Variants in BTN3A3 observed in about 807,000 individuals in gnomAD.
The protein encoded by BTN3A3 is butyrophilin subfamily 3 member A3.
Under a neutral mutation model 43.2 loss-of-function variants are expected in BTN3A3, and 39 were observed. The observed-to-expected ratio is 0.90, with a 90% CI of 0.70 to 1.18. The LOEUF (loss-of-function observed/expected upper bound fraction) is 1.18, where lower values mean the gene tolerates loss of function less well. Ranked by LOEUF, BTN3A3 falls within the 50% of genes most tolerant of loss-of-function variation. The pLI is 0.00. For missense variants in BTN3A3, 631 were observed against 722.8 expected, an observed-to-expected ratio of 0.87 and a Z score of 1.46; for synonymous variants, 255 against 272.7, an observed-to-expected ratio of 0.93 and a Z score of 0.64.
In BTN3A3 at chr6:26,445,822, A is replaced by T. The variant is rs751265742; in HGVS notation, c.552A>T (p.Gly184=). The change falls in exon 5 of 11, where the codon GGA becomes GGT. Residue 184 remains glycine, a synonymous_variant. Coordinates refer to ENST00000244519, the MANE Select transcript of BTN3A3 (RefSeq NM_006994.5). ...QPQIKWSDTK[G]ENIPAVEAPV... ...AAATAAAGTGGAGCGACACCAAGGG[A>T]GAGAACATCCCGGCTGTGGAAGCAC... 5.0e-6 allele frequency: 8 copies of T among 1,614,058 alleles called. No homozygotes were observed. Among genetic ancestry groups the T allele is most frequent in the Middle Eastern group, 1.6e-4 (1 of 6,084 alleles).
Position 26,443,631 on chromosome 6 carries a change from C to T in BTN3A3, c.57C>T (p.Phe19=). 2 of 1,614,230 alleles carry T rather than the reference C, an allele frequency of 1.2e-6. No homozygotes were observed. Among genetic ancestry groups the T allele is most frequent in the Non-Finnish European group, 1.7e-6 (2 of 1,180,044 alleles). Residue 19 remains phenylalanine, a synonymous_variant, in exon 3 of 11, where the codon TTC becomes TTT. Transcript: ENST00000244519. ...TGCTCAACTTTCATGTCTCCCTCTT[C>T]TTGGTCCAGCTGCTCACTCCTTGCT... is the stretch of plus-strand genomic sequence containing the variant. ...FLLLNFHVSL[F]LVQLLTPCSA... is the part of the protein sequence containing the mutation.
intron 8 of BTN3A3, 108 bp downstream of exon 8, chr6:26,448,862 C>T: frequency 7.4e-7 from 1 of 1,352,180 alleles, no homozygotes; most frequent in Non-Finnish European, 1.1e-6. Flanking sequence ...AAAAATGGTC[C>T]TAGATCCCTT....
chr6:26,443,545 CCTT>C (rs1762695610), intron 2 of BTN3A3, 22 bp from the exon 3 acceptor site: 1 of 1,612,876 alleles, frequency 6.2e-7, no homozygotes, highest in African/African-American at 1.3e-5. Context: ...CTGTCCCACA[CCTT>C]CTGGTATCTC....
Position 26,450,054 on chromosome 6 carries a change from A to G in BTN3A3, c.992-53A>G, listed in dbSNP as rs572770240. 135 of 1,577,888 alleles carry G rather than the reference A, an allele frequency of 8.6e-5. 1 individual carries two copies. The South Asian group carries it at 1.4e-3, about 16-fold the overall frequency. ...GTGTAGTGAAAGGAGAATGGAGTGG[A>G]GAAAAGAACAAAAATACTGACCTTT... On this transcript the variant is annotated intron_variant, in intron 9 of 10. Transcript: ENST00000244519.
chr6:26,452,420 C>G lies in BTN3A3; in HGVS notation c.*9C>G. The G allele has an allele frequency of 6.3e-7, 1 of 1,582,830 alleles. No individual in the cohort carries two copies. Among genetic ancestry groups the G allele is most frequent in the Non-Finnish European group, 8.6e-7 (1 of 1,169,316 alleles). On this transcript the variant is annotated 3_prime_UTR_variant, in exon 11 of 11. Coordinates refer to ENST00000244519, the MANE Select transcript of BTN3A3 (RefSeq NM_006994.5). ...CTGAAGCACTTTACTGATATTCATT[C>G]CATTATTCCATATGACAGTTGTTTT...
intron 5 of BTN3A3, among the ~76,000 whole-genome samples, chr6:26,446,270 A>G (rs990810427): frequency 2.0e-5 from 3 of 152,246 alleles, no homozygotes; most frequent in African/African-American, 7.2e-5. Flanking sequence ...GAAGCTCCTT[A>G]TGTAAAGTCA....
chr6:26,440,785 T>C (rs1762604918), intron 1 of BTN3A3, 137 bp downstream of exon 1: 1 of 83,184 alleles, frequency 1.2e-5, no homozygotes, highest in South Asian at 3.7e-4. Context: ...TGTGTGTGTG[T>C]GTGTGTGTGT....
intron 9 of BTN3A3, 144 bp downstream of exon 9, chr6:26,449,832 C>A (rs116504488): frequency 2.6e-6 from 3 of 1,135,036 alleles, no homozygotes; most frequent in Non-Finnish European, 3.9e-6. Flanking sequence ...AGGGGGTTGA[C>A]TTCTGCTTTT....
chr6:26,452,516 T>C lies in BTN3A3; in HGVS notation c.*105T>C. 1 of 999,498 alleles carries C rather than the reference T, an allele frequency of 1.0e-6. No individual in the cohort carries two copies. Among genetic ancestry groups the C allele is most frequent in the East Asian group, 2.6e-5 (1 of 38,136 alleles). The allele number at this position is 999,498 out of a possible 1,614,324, so 61.9% of individuals were successfully genotyped here. ...GGGGTGCAGAAAGGTGAATTAACTT[T>C]ACAAAGTAGACATGACAAGTGAACA... On this transcript the variant is annotated 3_prime_UTR_variant, in exon 11 of 11. Coordinates refer to ENST00000244519, the MANE Select transcript of BTN3A3 (RefSeq NM_006994.5).
In BTN3A3 at chr6:26,448,391, G is replaced by A. The variant is rs1224641628; in HGVS notation, c.859G>A (p.Glu287Lys). The A allele has an allele frequency of 6.2e-7, 1 of 1,613,952 alleles. No individual in the cohort carries two copies. The highest frequency in any genetic ancestry group is 1.1e-5 in the South Asian group (1 of 91,078). The change falls in exon 6 of 11, where the codon GAG becomes AAG. Residue 287 changes from glutamate (E) to lysine (K), a missense_variant. Coordinates refer to ENST00000244519, the MANE Select transcript of BTN3A3 (RefSeq NM_006994.5). ...TGCTCTGTCCAGGGAGACAGAAAGA[G>A]AGCGAGAGATGAAAGAAATGGGATA... Reference protein sequence around the residue: ...KIALSRETEREREMKEMGYAA... With the variant: ...KIALSRETERKREMKEMGYAA...
Position 26,445,987 on chromosome 6 carries a change from T to C in BTN3A3, c.715+2T>C. The C allele has an allele frequency of 6.2e-7, 1 of 1,613,926 alleles. No individual in the cohort carries two copies. Among genetic ancestry groups the C allele is most frequent in the Non-Finnish European group, 8.5e-7 (1 of 1,179,882 alleles). ...AGACAGCCAGCATATCCATCGCAGG[T>C]CAGTACCCTGCTTGGCCTCAGCTTT... On this transcript the variant is annotated splice_donor_variant, in intron 5 of 10. Transcript: ENST00000244519. LOFTEE classifies it high-confidence loss of function.
intron 4 of BTN3A3, chr6:26,444,786 A>C (rs1184437040): frequency 4.1e-6 from 1 of 246,034 alleles, no homozygotes; most frequent in Non-Finnish European, 8.0e-6. Flanking sequence ...TTGAGGAAGA[A>C]CACACATCAT....
chr6:26,445,868 G>C lies in BTN3A3; in HGVS notation c.598G>C (p.Gly200Arg). The C allele has an allele frequency of 6.2e-7, 1 of 1,614,158 alleles. No homozygotes were observed. The highest frequency in any genetic ancestry group is 8.5e-7 in the Non-Finnish European group (1 of 1,180,038). ...VEAPVVADGV[G>R]LYAVAASVIM... ...AGCACCTGTGGTTGCAGATGGAGTG[G>C]GCCTGTATGCAGTAGCAGCATCTGT... The change falls in exon 5 of 11, where the codon GGC becomes CGC. Residue 200 changes from glycine (G) to arginine (R), a missense_variant. Gly to Arg is a moderately radical substitution (Grantham distance 125, BLOSUM62 -2). Transcript: ENST00000244519.
At position 26,444,121 on chromosome 6, in the gene BTN3A3, G is replaced by A; in HGVS notation, c.250G>A (p.Glu84Lys). 1 of 1,613,696 alleles carries A rather than the reference G, an allele frequency of 6.2e-7. No individual in the cohort carries two copies. ...QVVNVYADGK[E>K]VEDRQSAPYR... ...GGTGAACGTGTATGCAGATGGAAAG[G>A]AAGTGGAAGACAGGCAGAGTGCACC... Residue 84 changes from glutamate (E) to lysine (K), a missense_variant, in exon 4 of 11, where the codon GAA (glutamate) becomes AAA (lysine). This residue lies in a region of BTN3A3 where 80 missense variants were observed against 138.7 expected (regional missense o/e 0.58). Transcript: ENST00000244519.
intron 6 of BTN3A3, 55 bp downstream of exon 6, chr6:26,448,503 G>A (rs757338976): frequency 5.6e-6 from 9 of 1,608,440 alleles, no homozygotes; most frequent in Admixed American, 3.4e-5. Context: ...CCAGCCTGAA[G>A]ATCTCACCCC....
rs1271865986 is a variant in BTN3A3 at position 26,445,898 on chromosome 6, A to G, written c.628A>G (p.Met210Val). The G allele has an allele frequency of 1.2e-6, 2 of 1,614,220 alleles. No individual in the cohort carries two copies. The highest frequency in any genetic ancestry group is 3.3e-5 in the Admixed American group (2 of 60,034). The change falls in exon 5 of 11, where the codon ATG becomes GTG. Residue 210 changes from methionine (M) to valine (V), a missense_variant. Transcript: ENST00000244519. ...GLYAVAASVI[M>V]RGSSGGGVSC... ...GTATGCAGTAGCAGCATCTGTGATC[A>G]TGAGAGGCAGCTCTGGTGGGGGTGT...
intron 4 of BTN3A3, 59 bp from the exon 5 acceptor site, chr6:26,445,645 T>C (rs1232066938): frequency 2.6e-6 from 4 of 1,566,916 alleles, no homozygotes; most frequent in African/African-American, 2.7e-5. Context: ...TTGATTCCCA[T>C]TGAGACCCTC....
chr6:26,448,667 C>T (rs1330005557), intron 7 of BTN3A3, 30 bp downstream of exon 7: 1 of 1,614,012 alleles, frequency 6.2e-7, no homozygotes, highest in South Asian at 1.1e-5. Flanking sequence ...GAGACCCAGG[C>T]ATGTCTTCTT....
Position 26,453,085 on chromosome 6 carries a change from G to A in BTN3A3, c.*674G>A, listed in dbSNP as rs1436114555. The A allele has an allele frequency of 6.6e-6, 1 of 152,222 alleles. No individual in the cohort carries two copies. Among genetic ancestry groups the A allele is most frequent in the Non-Finnish European group, 1.5e-5 (1 of 68,048 alleles). The allele number at this position is 152,222 out of a possible 1,614,324, so 9.4% of individuals were successfully genotyped here. A position where few individuals can be genotyped will look rare whatever the true frequency, so the allele number is the denominator to read the frequency against. On this transcript the variant is annotated 3_prime_UTR_variant, in exon 11 of 11. Coordinates refer to ENST00000244519, the MANE Select transcript of BTN3A3 (RefSeq NM_006994.5). The stretch of plus-strand genomic sequence containing the variant: ...TTCCCACCCAACAAATGTGATAAGT[G>A]ATTGTGCAGCCAGAGCCAGCCTTCC...
Sources: allele counts gnomAD v4.1 joint callset (sites outside exome capture counted in the v4.1 genomes callset), GRCh38; gene constraint gnomAD v4.1.1; regional missense constraint gnomAD v4.1.1; transcripts MANE v1.5; gene names NCBI Gene and HGNC (gene_info 2026-07-23, HGNC 2026-07-21).